The following BCAP31 variants were observed in gnomAD, a reference collection of about 807,000 sequenced individuals.
BCAP31 encodes the protein B-cell receptor-associated protein 31.
For synonymous variants in BCAP31, 75 were observed against 80.9 expected (o/e 0.93, Z 0.39); for missense variants, 124 against 193.0 (o/e 0.64, Z 2.12).
chrX:153,712,418 AT>A (rs1557049337), intron 4 of BCAP31, among the ~76,000 whole-genome samples: 190 of 104,150 alleles, frequency 1.8e-3, no homozygotes, highest in Admixed American at 5.4e-3. Context: ...AAATAAATAA[AT>A]AAATAAATAA....
chrX:153,706,151 C>T (rs1162618225), intron 4 of BCAP31, among the ~76,000 whole-genome samples: 3 of 111,363 alleles, frequency 2.7e-5, no homozygotes, highest in Admixed American at 9.5e-5. Context: ...TGCCAGGCCC[C>T]GGTTCCCCTT....
At chrX:153,706,532 C>G (rs1414244418) in intron 4 of BCAP31, among the ~76,000 whole-genome samples, 1 of 112,899 alleles carries the variant, frequency 8.9e-6, no homozygotes. Flanking sequence ...CCTCCTCCCA[C>G]TGTTATTCTG....
intron 4 of BCAP31, among the ~76,000 whole-genome samples, chrX:153,708,379 G>A (rs781847670): frequency 4.4e-5 from 5 of 112,579 alleles, no homozygotes; most frequent in African/African-American, 1.3e-4. Flanking sequence ...AATAGGAAAT[G>A]GAGAAGGAGC....
At chrX:153,722,556 CGGCTTTTAAAAATACCTGTGGAGATTT>C (rs1275739223) in intron 2 of BCAP31, among the ~76,000 whole-genome samples, 1 of 112,142 alleles carries the variant, frequency 8.9e-6, no homozygotes, top group Non-Finnish European at 1.9e-5. Context: ...CACGAAAAAA[CGGCTTTTAAAAATACCTGTGGAGATTT>C]GGCCTTATTT....
chrX:153,709,774 C>T (rs1421038380), intron 4 of BCAP31, among the ~76,000 whole-genome samples: 2 of 113,188 alleles, frequency 1.8e-5, no homozygotes, highest in African/African-American at 3.2e-5. Flanking sequence ...GCCGTCAGCC[C>T]GGGACAGCCC....
chrX:153,720,199 G>A (rs782501553), intron 3 of BCAP31, among the ~76,000 whole-genome samples: 6 of 111,661 alleles, frequency 5.4e-5, no homozygotes, highest in African/African-American at 2.0e-4. Context: ...CAAGGTCACA[G>A]GCCAGTTAGC....
chrX:153,708,322 A>T (rs2091567492), intron 4 of BCAP31, among the ~76,000 whole-genome samples: 1 of 112,723 alleles, frequency 8.9e-6, no homozygotes. Context: ...AGCACTTTTC[A>T]GCAGCCCTGT....
chrX:153,701,122 C>G lies in BCAP31; in HGVS notation c.703-147G>C, dbSNP rs782609897. On this transcript the variant is annotated intron_variant, in intron 7 of 7. Coordinates refer to ENST00000345046, the MANE Select transcript of BCAP31 (RefSeq NM_001256447.2). ...AGTGAACAAGGGGCCCCCTCCCCAG[C>G]TGCACCCAAAGGCCTGCCAGGGTGG... 2.8e-4 allele frequency: 147 copies of G among 519,479 alleles called. No homozygotes were observed. In the East Asian group the frequency reaches 5.9e-3, roughly 21 times the overall value. 42.8% of individuals were successfully genotyped at this position (519,479 alleles called of 1,213,427 possible).
At chrX:153,704,129 A>G (rs1557047979) in intron 4 of BCAP31, 35 bp from the exon 5 acceptor site, 1 of 1,190,795 alleles carries the variant, frequency 8.4e-7, no homozygotes, top group Non-Finnish European at 1.1e-6. Context: ...GAGAAGTGAG[A>G]AAAAGAGCAT....
intron 1 of BCAP31, chrX:153,724,094 G>A (rs891079085): frequency 1.4e-5 from 4 of 296,159 alleles, no homozygotes; most frequent in African/African-American, 8.5e-5. Context: ...CCGTCCCGGA[G>A]GCCCATCCCG....
Position 153,701,329 on chromosome X carries a change from C to T in BCAP31, c.703-354G>A, listed in dbSNP as rs375485126. 2.8e-4 allele frequency among the ~76,000 whole-genome samples: 32 copies of T among 112,826 alleles called. 1 individual carries two copies. The East Asian group carries it at 8.4e-3, about 30-fold the overall frequency. ...ACACCTTTGACAGGTGCCCTCGAAG[C>T]CCATCTGCCAAGCCTGCCCCATACA... is the stretch of plus-strand genomic sequence containing the variant. On this transcript the variant is annotated intron_variant, in intron 7 of 7. Transcript: ENST00000345046.
intron 2 of BCAP31, among the ~76,000 whole-genome samples, chrX:153,722,224 T>C (rs782299194): frequency 6.3e-5 from 7 of 111,856 alleles, no homozygotes; most frequent in African/African-American, 2.0e-4. Context: ...AGGGCTAGAG[T>C]TGAATATGCC....
intron 5 of BCAP31, among the ~76,000 whole-genome samples, chrX:153,703,435 T>G (rs1470744149): frequency 8.9e-6 from 1 of 112,893 alleles, no homozygotes; most frequent in African/African-American, 3.2e-5. Context: ...TGCCGCTCAC[T>G]GCAGTTAGGA....
Position 153,720,928 on chromosome X carries a change from G to A in BCAP31, c.137C>T (p.Ser46Phe). The A allele has an allele frequency of 1.7e-6, 2 of 1,211,628 alleles. No homozygotes were observed. The highest frequency in any genetic ancestry group is 2.2e-6 in the Non-Finnish European group (2 of 895,435). Reference protein sequence around the residue: ...FKSRLVELLVSYGNTFFVVLI... With the variant: ...FKSRLVELLVFYGNTFFVVLI... ...AACCACAAAGAAGGTGTTGCCATAG[G>A]ACACTAACAACTCCACCAGCCGGGA... The change falls in exon 3 of 8, where the codon TCC becomes TTC. Residue 46 changes from serine (S) to phenylalanine (F), a missense_variant. Transcript: ENST00000345046.
At position 153,705,970 on chromosome X, in the gene BCAP31, G is replaced by A. The variant is rs782586572; in HGVS notation, c.342-1876C>T. On this transcript the variant is annotated intron_variant, in intron 4 of 7. Transcript: ENST00000345046. ...GTGCAGCAGAGGCCCAGCTCTTTTC[G>A]GACCGTCCCAGGCCCTTCCCGGCTA... Among the ~76,000 whole-genome samples the A allele has an allele frequency of 3.6e-5, 4 of 112,045 alleles. No homozygotes were observed. The East Asian group carries it at 1.1e-3, about 32-fold the overall frequency.
intron 7 of BCAP31, 143 bp from the exon 8 acceptor site, chrX:153,701,118 C>G: frequency 1.9e-6 from 1 of 518,404 alleles, no homozygotes; most frequent in Admixed American, 3.8e-5. Context: ...GGCCCCCTCC[C>G]CAGCTGCACC....
intron 4 of BCAP31, among the ~76,000 whole-genome samples, chrX:153,712,042 G>A (rs1303226316): frequency 1.8e-5 from 2 of 112,140 alleles, no homozygotes; most frequent in Admixed American, 9.4e-5. Flanking sequence ...CTGACTAGCT[G>A]AGGCCACTGT....
intron 3 of BCAP31, among the ~76,000 whole-genome samples, chrX:153,716,533 C>T (rs1485779974): frequency 2.1e-5 from 2 of 95,131 alleles, no homozygotes; most frequent in South Asian, 4.9e-4. Context: ...TTGAGGCCAA[C>T]GAGTTCAAGA....
chrX:153,716,377 C>T (rs1250318017), intron 3 of BCAP31, among the ~76,000 whole-genome samples: 1 of 108,608 alleles, frequency 9.2e-6, no homozygotes, highest in African/African-American at 3.4e-5. Flanking sequence ...CCCATAGCCC[C>T]CCAACCCCCA....
Sources: allele counts gnomAD v4.1 joint callset (sites outside exome capture counted in the v4.1 genomes callset), GRCh38; gene constraint gnomAD v4.1.1; transcripts MANE v1.5; gene names NCBI Gene and HGNC (gene_info 2026-07-23, HGNC 2026-07-21).